PDE11A: variants seen among roughly 807,000 people sequenced by gnomAD.
PDE11A encodes phosphodiesterase 11A, also known as dual 3',5'-cyclic-AMP and -GMP phosphodiesterase 11A.
PDE11A carries 100 observed loss-of-function variants against 100.5 expected under a neutral mutation model. That is an observed-to-expected ratio of 1.00 (90% confidence interval 0.85 to 1.18). The LOEUF (loss-of-function observed/expected upper bound fraction) is 1.18. Ranked by LOEUF, PDE11A falls within the 50% of genes most tolerant of loss-of-function variation. The probability of loss-of-function intolerance (pLI) is 0.00; values close to 1 mark genes in which losing one functional copy is unlikely to be tolerated. For synonymous variants in PDE11A, 381 were observed against 420.8 expected (o/e 0.91, Z 1.16); for missense variants, 1,141 against 1,152.6 (o/e 0.99, Z 0.15).
At chr2:177,859,285 C>A (rs2083901118) in intron 5 of PDE11A, among the ~76,000 whole-genome samples, 1 of 151,004 alleles carries the variant, frequency 6.6e-6, no homozygotes, top group African/African-American at 2.4e-5. Flanking sequence ...AATCCTTGTA[C>A]AACAAATATT....
chr2:177,787,414 G>A (rs1039852285), intron 9 of PDE11A, among the ~76,000 whole-genome samples: 1 of 151,374 alleles, frequency 6.6e-6, no homozygotes, highest in Non-Finnish European at 1.5e-5. Context: ...GGAACAACTG[G>A]TACCAGCCGC....
intron 2 of PDE11A, among the ~76,000 whole-genome samples, chr2:177,988,788 C>A (rs1405646): frequency 0.32 from 48,694 of 152,012 alleles, 9,794 homozygotes; most frequent in East Asian, 0.53. Flanking sequence ...AGCTGAGGGC[C>A]ACTTAGAGCA....
intron 9 of PDE11A, among the ~76,000 whole-genome samples, chr2:177,816,492 T>C (rs911506911): frequency 6.6e-6 from 1 of 152,226 alleles, no homozygotes; most frequent in Non-Finnish European, 1.5e-5. Flanking sequence ...TGTGACTTTA[T>C]AGATTATCTA....
intron 2 of PDE11A, chr2:177,921,900 T>C (rs1409841558): frequency 6.6e-6 from 1 of 152,246 alleles, no homozygotes; most frequent in Non-Finnish European, 1.5e-5. Flanking sequence ...ACTTCTTCCC[T>C]AGCTACATCC....
At chr2:177,887,612 G>T (rs904025445) in intron 4 of PDE11A, among the ~76,000 whole-genome samples, 20 of 152,190 alleles carry the variant, frequency 1.3e-4, no homozygotes, top group African/African-American at 4.8e-4. Context: ...AAATTAGCTG[G>T]ATGTGGTGGT....
chr2:177,680,064 T>C (rs187827552), intron 16 of PDE11A, among the ~76,000 whole-genome samples: 15 of 152,198 alleles, frequency 9.9e-5, no homozygotes, highest in African/African-American at 3.4e-4. Flanking sequence ...AGATTTTATA[T>C]AGCAGATACG....
exon 2 of PDE11A, chr2:178,104,310 T>C: frequency 4.3e-6 from 7 of 1,614,060 alleles, no homozygotes; most frequent in Non-Finnish European, 5.9e-6. Flanking sequence ...ACCTTTGTTT[T>C]TGTTTGCCTC....
At chr2:177,862,371 C>T (rs969216847) in intron 5 of PDE11A, among the ~76,000 whole-genome samples, 8 of 151,686 alleles carry the variant, frequency 5.3e-5, no homozygotes, top group African/African-American at 1.7e-4. Flanking sequence ...CTCCAAGGAA[C>T]TGTAAAGTAT....
chr2:177,704,903 C>T (rs548577285), intron 13 of PDE11A, among the ~76,000 whole-genome samples: 2 of 152,168 alleles, frequency 1.3e-5, no homozygotes, highest in African/African-American at 4.8e-5. Context: ...TGCAATGGCG[C>T]GATGTTGGCT....
chr2:177,668,274 T>C (rs1260666103), intron 18 of PDE11A, among the ~76,000 whole-genome samples: 3 of 152,232 alleles, frequency 2.0e-5, no homozygotes, highest in South Asian at 4.1e-4. Context: ...TATTGCTGCA[T>C]TGTAAACCCT....
At position 177,851,500 on chromosome 2, in the gene PDE11A, C is replaced by T. The variant is rs1004762224; in HGVS notation, c.1368-11117G>A. 2.9e-4 allele frequency among the ~76,000 whole-genome samples: 44 copies of T among 152,066 alleles called. 1 individual carries two copies. The highest frequency in any genetic ancestry group is 2.8e-3 in the Admixed American group (43 of 15,266). On this transcript the variant is annotated intron_variant, in intron 5 of 19. Coordinates refer to ENST00000286063, the MANE Select transcript of PDE11A (RefSeq NM_016953.4). ...TGTATACATATGTAACAAACCTGCACGTTGTGCACATGTACCCTAGAACTT... is the reference window on the plus strand; with the variant it reads ...TGTATACATATGTAACAAACCTGCATGTTGTGCACATGTACCCTAGAACTT...
intron 2 of PDE11A, among the ~76,000 whole-genome samples, chr2:177,936,402 T>G (rs1255404768): frequency 6.6e-6 from 1 of 152,134 alleles, no homozygotes; most frequent in African/African-American, 2.4e-5. Context: ...CTCACATTAT[T>G]TTCATTGTTT....
intron 6 of PDE11A, among the ~76,000 whole-genome samples, chr2:177,822,797 C>G (rs1219730467): frequency 6.6e-6 from 1 of 152,064 alleles, no homozygotes; most frequent in African/African-American, 2.4e-5. Flanking sequence ...TGTTCTTACA[C>G]ATAATTTGTT....
intron 6 of PDE11A, among the ~76,000 whole-genome samples, chr2:177,829,963 G>A (rs1408556822): frequency 1.3e-5 from 2 of 152,148 alleles, no homozygotes; most frequent in Non-Finnish European, 2.9e-5. Context: ...CTCCGGACAT[G>A]AGGTAAGCTT....
rs1458115789 is a variant in PDE11A, at chr2:177,623,422, T to C, written c.*5985A>G. On this transcript the variant is annotated 3_prime_UTR_variant, in exon 20 of 20. Coordinates refer to ENST00000286063, the MANE Select transcript of PDE11A (RefSeq NM_016953.4). ...AAGTGAATGATTTCAAACAACTCAA[T>C]TGAAAACGTATTTCCTTTCTTTCGT... 6.6e-6 allele frequency: 1 copy of C among 152,224 alleles called. No homozygotes were observed. Among genetic ancestry groups the C allele is most frequent in the Non-Finnish European group, 1.5e-5 (1 of 68,032 alleles). The allele number at this position is 152,224 out of a possible 1,614,324, so 9.4% of individuals were successfully genotyped here.
intron 4 of PDE11A, among the ~76,000 whole-genome samples, chr2:177,884,016 T>C (rs778559100): frequency 1.5e-4 from 23 of 152,204 alleles, no homozygotes; most frequent in Non-Finnish European, 2.8e-4. Flanking sequence ...CAAACCCAAC[T>C]GGCAGCCAGA....
At chr2:178,023,140 C>T (rs528363787) in intron 1 of PDE11A, among the ~76,000 whole-genome samples, 1 of 152,298 alleles carries the variant, frequency 6.6e-6, no homozygotes, top group Admixed American at 6.5e-5. Flanking sequence ...CAGGATCTTG[C>T]ACTTGCAAAC....
At chr2:178,049,739 A>G (rs562111921) in intron 1 of PDE11A, among the ~76,000 whole-genome samples, 1 of 152,258 alleles carries the variant, frequency 6.6e-6, no homozygotes, top group Non-Finnish European at 1.5e-5. Context: ...ACACCCACGG[A>G]GTCTTGCTCA....
At chr2:177,988,208 TC>T (rs1336806896) in intron 2 of PDE11A, among the ~76,000 whole-genome samples, 1 of 152,208 alleles carries the variant, frequency 6.6e-6, no homozygotes, top group African/African-American at 2.4e-5. Context: ...GGCTTGGTAT[TC>T]ACAGTCACCT....
Sources: allele counts gnomAD v4.1 joint callset (sites outside exome capture counted in the v4.1 genomes callset), GRCh38; gene constraint gnomAD v4.1.1; transcripts MANE v1.5; gene names NCBI Gene and HGNC (gene_info 2026-07-23, HGNC 2026-07-21).